DAB2IP: variants seen among roughly 807,000 people sequenced by gnomAD.
DAB2IP encodes DAB2 interacting protein.
In DAB2IP, 28 loss-of-function variants were observed where a neutral mutation model predicts 107.2. That is an observed-to-expected ratio of 0.26 (90% CI 0.19 to 0.36). The LOEUF is 0.36. Among genes scored for constraint, DAB2IP ranks in the 10% least tolerant of loss-of-function variants. The pLI is 1.00. For synonymous variants in DAB2IP, 755 were observed against 706.4 expected (o/e 1.07, Z -1.09); for missense variants, 1,400 against 1,644.7 (o/e 0.85, Z 2.57).
At chr9:121,688,374 AG>A (rs1828995083) in intron 2 of DAB2IP, among the ~76,000 whole-genome samples, 1 of 152,242 alleles carries the variant, frequency 6.6e-6, no homozygotes, top group Non-Finnish European at 1.5e-5. Flanking sequence ...AATTGCTTAA[AG>A]AACGTCTAAA....
intron 1 of DAB2IP, among the ~76,000 whole-genome samples, chr9:121,632,365 G>A (rs1831925958): frequency 6.6e-6 from 1 of 152,174 alleles, no homozygotes. Flanking sequence ...AAACAGATGG[G>A]TCCTGGTGAC....
intron 3 of DAB2IP, chr9:121,742,723 C>T: frequency 4.1e-6 from 4 of 985,680 alleles, no homozygotes; most frequent in Non-Finnish European, 4.8e-6. Flanking sequence ...CCTGCACCTG[C>T]CTTTTCTTCC....
chr9:121,586,214 T>A (rs1830308850), intron 1 of DAB2IP, among the ~76,000 whole-genome samples: 1 of 152,180 alleles, frequency 6.6e-6, no homozygotes, highest in Admixed American at 6.5e-5. Context: ...TCAAGGTACC[T>A]CTGTTATTAG....
At chr9:121,783,469 A>T in exon 16 of DAB2IP, 2 of 1,613,270 alleles carry the variant, frequency 1.2e-6, no homozygotes, top group South Asian at 2.2e-5. Context: ...GTGATGGTTT[A>T]AAAAAAGATT....
intron 3 of DAB2IP, among the ~76,000 whole-genome samples, chr9:121,720,879 G>A (rs572070971): frequency 1.6e-4 from 24 of 152,286 alleles, no homozygotes; most frequent in South Asian, 4.1e-4. Flanking sequence ...GGAGAACAAA[G>A]AGAACCCTTC....
chr9:121,678,125 A>G (rs1003969380), intron 1 of DAB2IP, among the ~76,000 whole-genome samples: 2 of 152,100 alleles, frequency 1.3e-5, no homozygotes, highest in Non-Finnish European at 2.9e-5. Context: ...CTTTACAGAA[A>G]CTCTGTACCA....
chr9:121,669,423 T>C (rs927681536), intron 1 of DAB2IP, among the ~76,000 whole-genome samples: 2 of 152,124 alleles, frequency 1.3e-5, no homozygotes, highest in Non-Finnish European at 2.9e-5. Flanking sequence ...GTTGCATTTA[T>C]TACTCATTGC....
intron 1 of DAB2IP, among the ~76,000 whole-genome samples, chr9:121,602,310 T>C (rs1830708747): frequency 6.6e-6 from 1 of 152,132 alleles, no homozygotes; most frequent in Non-Finnish European, 1.5e-5. Context: ...CAAGTGGATG[T>C]ACTTGCGGGC....
chr9:121,667,917 G>A (rs1424229464), intron 1 of DAB2IP, among the ~76,000 whole-genome samples: 1 of 152,220 alleles, frequency 6.6e-6, no homozygotes, highest in Admixed American at 6.5e-5. Flanking sequence ...TGTGGCTGGG[G>A]AGGACTCAGA....
chr9:121,594,764 G>C (rs1830493507), intron 1 of DAB2IP, among the ~76,000 whole-genome samples: 1 of 152,186 alleles, frequency 6.6e-6, no homozygotes, highest in Non-Finnish European at 1.5e-5. Context: ...TCTGCTCCAG[G>C]ACACAGACCC....
chr9:121,774,462 A>T (rs770462809), intron 13 of DAB2IP, 50 bp downstream of exon 13: 22 of 1,524,454 alleles, frequency 1.4e-5, no homozygotes, highest in Non-Finnish European at 1.9e-5. Context: ...GCCTCCCGGC[A>T]GCAGCTGGTA....
At chr9:121,661,277 T>C (rs962077195) in intron 1 of DAB2IP, among the ~76,000 whole-genome samples, 1 of 151,938 alleles carries the variant, frequency 6.6e-6, no homozygotes, top group African/African-American at 2.4e-5. Flanking sequence ...GGGTGCAGAA[T>C]AGGACAGGAT....
rs1202760174 is a variant in DAB2IP, at chr9:121,758,950, G to A, written c.569G>A (p.Arg190Gln). ...TTTTCCTGCCGGTCTGCAGCTGAGC[G>A]GGATAAGTGGATGGAGAACCTCCGG... is the stretch of plus-strand genomic sequence containing the variant. Residue 190 changes from arginine (R) to glutamine (Q), a missense_variant, in exon 5 of 16, where the codon CGG becomes CAG. Coordinates refer to ENST00000408936, the Ensembl canonical transcript of DAB2IP. The A allele has an allele frequency of 1.1e-5, 18 of 1,613,750 alleles. No homozygotes were observed. Among genetic ancestry groups the A allele is most frequent in the Non-Finnish European group, 1.4e-5 (17 of 1,179,954 alleles).
Position 121,699,584 on chromosome 9 carries a change from C to T in DAB2IP, c.362+126C>T, listed in dbSNP as rs1829655212. On this transcript the variant is annotated intron_variant, in intron 3 of 15. Coordinates refer to ENST00000408936, the Ensembl canonical transcript of DAB2IP. The surrounding 1 kb of genome is among the most constrained non-coding windows in gnomAD (Gnocchi z 6.2). ...CGGCGGTGGGGGGACCCCACGCCGC[C>T]CGCCGGGAACTTATGGGGCCACCTC... 1 of 867,902 alleles carries T rather than the reference C, an allele frequency of 1.2e-6. No homozygotes were observed. Among genetic ancestry groups the T allele is most frequent in the African/African-American group, 1.8e-5 (1 of 55,486 alleles). The allele number at this position is 867,902 out of a possible 1,614,324, so 53.8% of individuals were successfully genotyped here.
At chr9:121,689,317 C>T (rs913236001) in intron 2 of DAB2IP, among the ~76,000 whole-genome samples, 7 of 151,320 alleles carry the variant, frequency 4.6e-5, no homozygotes, top group African/African-American at 1.7e-4. Context: ...AAGAAACTGA[C>T]CTTGACTCCA....
upstream of DAB2IP, among the ~76,000 whole-genome samples, chr9:121,649,519 T>C (rs1487955733): frequency 1.3e-5 from 2 of 152,118 alleles, 1 homozygote; most frequent in Non-Finnish European, 2.9e-5. Context: ...GGCTGGAACC[T>C]GGCTGATCAG....
At chr9:121,694,404 C>T (rs574179176) in intron 2 of DAB2IP, among the ~76,000 whole-genome samples, 27 of 152,286 alleles carry the variant, frequency 1.8e-4, no homozygotes, top group Admixed American at 1.3e-4. Flanking sequence ...GGCATCCTCT[C>T]CTAGGGTGGG....
chr9:121,612,608 A>G (rs904358524), intron 1 of DAB2IP, among the ~76,000 whole-genome samples: 3 of 152,162 alleles, frequency 2.0e-5, no homozygotes, highest in African/African-American at 7.2e-5. Context: ...CGGAACTCCA[A>G]CAAGTCTCAG....
Position 121,744,057 on chromosome 9 carries a change from A to G in DAB2IP, c.363-12956A>G, listed in dbSNP as rs189887808. Among the ~76,000 whole-genome samples the G allele has an allele frequency of 5.3e-5, 8 of 152,312 alleles. No homozygotes were observed. The East Asian group carries it at 1.5e-3, about 29-fold the overall frequency. On this transcript the variant is annotated intron_variant, in intron 3 of 15. Coordinates refer to ENST00000408936, the Ensembl canonical transcript of DAB2IP. ...TCCCCTGTGGTGTGCTCCGTTGAGA[A>G]CTGGGAAATGCCAGGGACTGCTGAC... is the stretch of plus-strand genomic sequence containing the variant.
Sources: allele counts gnomAD v4.1 joint callset (sites outside exome capture counted in the v4.1 genomes callset), GRCh38; gene constraint gnomAD v4.1.1; non-coding constraint Gnocchi (gnomAD v3.1); transcripts MANE v1.5; gene names NCBI Gene and HGNC (gene_info 2026-07-23, HGNC 2026-07-21).